The following RBL2 variants were observed in gnomAD, a reference collection of about 807,000 sequenced individuals.
RBL2 encodes RB transcriptional corepressor like 2.
Under a neutral mutation model 126.0 loss-of-function variants are expected in RBL2, and 56 were observed. The observed-to-expected ratio is 0.44, with a 90% CI of 0.36 to 0.56. The LOEUF (loss-of-function observed/expected upper bound fraction) is 0.56. RBL2 is among the 20% of genes least tolerant of loss of function. RBL2 has a pLI of 0.00. For synonymous variants in RBL2, 454 were observed against 478.5 expected, an observed-to-expected ratio of 0.95 and a Z score of 0.67; for missense variants, 1,229 against 1,398.2, an observed-to-expected ratio of 0.88 and a Z score of 1.93.
chr16:53,458,561 T>C (rs930281720), intron 8 of RBL2, among the ~76,000 whole-genome samples: 1 of 152,208 alleles, frequency 6.6e-6, no homozygotes, highest in African/African-American at 2.4e-5. Flanking sequence ...GTTCAACTTA[T>C]TATCTGTCTC....
At chr16:53,446,671 A>G (rs1187425937) in intron 3 of RBL2, among the ~76,000 whole-genome samples, 1 of 152,208 alleles carries the variant, frequency 6.6e-6, no homozygotes, top group Non-Finnish European at 1.5e-5. Context: ...GTCATTAGCT[A>G]TGATAAAGGA....
chr16:53,449,586 G>GAAAAAA (rs777289704), intron 4 of RBL2: 1 of 58,796 alleles, frequency 1.7e-5, no homozygotes, highest in Non-Finnish European at 4.0e-5. Context: ...ACCGTGTCTC[G>GAAAAAA]AAAAAAAAAA....
chr16:53,446,135 T>G (rs1417930221), intron 3 of RBL2, among the ~76,000 whole-genome samples: 1 of 152,104 alleles, frequency 6.6e-6, no homozygotes, highest in Non-Finnish European at 1.5e-5. Flanking sequence ...GTAGCTTAAG[T>G]GTTAAGCTAA....
At chr16:53,480,897 A>C (rs1960920012) in intron 20 of RBL2, 128 bp downstream of exon 20, 7 of 884,750 alleles carry the variant, frequency 7.9e-6, no homozygotes, top group Non-Finnish European at 1.2e-5. Context: ...GGTGGCTCAC[A>C]CCTGTAATCC....
In RBL2 at chr16:53,491,237, C is replaced by T. The variant is rs1453677949; in HGVS notation, c.*937C>T. On this transcript the variant is annotated 3_prime_UTR_variant, in exon 22 of 22. Coordinates refer to ENST00000262133, the MANE Select transcript of RBL2 (RefSeq NM_005611.4). ...ACCTCTTCCTTTAGGAGGGAGTTATCTAAAAGAAATGTCTATTAAGGTGAT... is the reference window on the plus strand; with the variant it reads ...ACCTCTTCCTTTAGGAGGGAGTTATTTAAAAGAAATGTCTATTAAGGTGAT... 2.0e-5 allele frequency: 3 copies of T among 151,974 alleles called. No homozygotes were observed. Among genetic ancestry groups the T allele is most frequent in the African/African-American group, 7.3e-5 (3 of 41,360 alleles). 9.4% of individuals were successfully genotyped at this position (151,974 alleles called of 1,614,324 possible).
At chr16:53,469,633 G>A (rs1339439648) in intron 14 of RBL2, among the ~76,000 whole-genome samples, 1 of 152,136 alleles carries the variant, frequency 6.6e-6, no homozygotes, top group African/African-American at 2.4e-5. Flanking sequence ...CTTTAGTAGT[G>A]GAAGACAGAG....
intron 17 of RBL2, among the ~76,000 whole-genome samples, chr16:53,474,370 G>A (rs902940573): frequency 3.3e-5 from 5 of 152,026 alleles, no homozygotes; most frequent in African/African-American, 1.2e-4. Flanking sequence ...AGGCTGGAGT[G>A]CAGTGGCGAG....
At chr16:53,453,405 G>C (rs899141557) in intron 5 of RBL2, 47 bp from the exon 6 acceptor site, 2 of 1,532,040 alleles carry the variant, frequency 1.3e-6, no homozygotes, top group Non-Finnish European at 9.0e-7. Context: ...TTACAAATTG[G>C]CTTATTGTGT....
At chr16:53,479,823 C>T in intron 18 of RBL2, 63 bp from the exon 19 acceptor site, 1 of 1,102,192 alleles carries the variant, frequency 9.1e-7, no homozygotes. Context: ...TGTGAAGGTC[C>T]TATCACCAAG....
At chr16:53,473,353 GT>G (rs146953967) in intron 17 of RBL2, among the ~76,000 whole-genome samples, 2 of 148,776 alleles carry the variant, frequency 1.3e-5, no homozygotes, top group African/African-American at 5.0e-5. Context: ...TAGATCTTCT[GT>G]TTTTTTTTCA....
chr16:53,450,050 A>T (rs745598330), intron 4 of RBL2, among the ~76,000 whole-genome samples: 25 of 149,548 alleles, frequency 1.7e-4, no homozygotes, highest in Non-Finnish European at 3.4e-4. Flanking sequence ...GCTTGAAATC[A>T]GTAGGTGCTA....
chr16:53,477,088 T>C (rs569518146), intron 17 of RBL2, among the ~76,000 whole-genome samples: 21 of 150,850 alleles, frequency 1.4e-4, no homozygotes, highest in Non-Finnish European at 2.4e-4. Context: ...TGTGTAGTGG[T>C]TGCCCTAGGG....
intron 13 of RBL2, 185 bp from the exon 14 acceptor site, chr16:53,466,873 A>T: frequency 1.9e-6 from 1 of 525,936 alleles, no homozygotes; most frequent in African/African-American, 2.0e-5. Flanking sequence ...ATCCAATTAC[A>T]AGGTTTTGAA....
At chr16:53,485,852 TA>T (rs79378831) in intron 21 of RBL2, among the ~76,000 whole-genome samples, 1 of 147,764 alleles carries the variant, frequency 6.8e-6, no homozygotes, top group African/African-American at 2.6e-5. Flanking sequence ...TGAGACCATC[TA>T]AAAAAAAACA....
Position 53,470,052 on chromosome 16 carries a change from C to T in RBL2, c.2112C>T (p.Val704=). 6.2e-7 allele frequency: 1 copy of T among 1,614,226 alleles called. No individual in the cohort carries two copies. The highest frequency in any genetic ancestry group is 1.1e-5 in the South Asian group (1 of 91,084). Residue 704 remains valine (V), a synonymous_variant, in exon 15 of 22, where the codon GTC becomes GTT. Coordinates refer to ENST00000262133, the MANE Select transcript of RBL2 (RefSeq NM_005611.4). ...GGCGCATGCCCCCACAGCCCCTAGT[C>T]AATGCTGTCCCTGTGCAGAATGTAT... ...TPGRMPPQPL[V]NAVPVQNVSG...
chr16:53,490,556 T>G lies in RBL2; in HGVS notation c.*256T>G, dbSNP rs1358749900. The G allele has an allele frequency of 2.9e-6, 1 of 340,922 alleles. No individual in the cohort carries two copies. The highest frequency in any genetic ancestry group is 5.3e-6 in the Non-Finnish European group (1 of 189,990). The allele number at this position is 340,922 out of a possible 1,614,324, so 21.1% of individuals were successfully genotyped here. A position where few individuals can be genotyped will look rare whatever the true frequency, so the allele number is the denominator to read the frequency against. ...TGCTTAGAATCCAAACTTGGATTTTTGACTCTGGCAAAGCTTTTAGAAATA... is the reference window on the plus strand; with the variant it reads ...TGCTTAGAATCCAAACTTGGATTTTGGACTCTGGCAAAGCTTTTAGAAATA... On this transcript the variant is annotated 3_prime_UTR_variant, in exon 22 of 22. Coordinates refer to ENST00000262133, the MANE Select transcript of RBL2 (RefSeq NM_005611.4).
chr16:53,441,964 G>A (rs556851139), intron 2 of RBL2, among the ~76,000 whole-genome samples: 3 of 152,088 alleles, frequency 2.0e-5, no homozygotes, highest in Admixed American at 2.0e-4. Flanking sequence ...GGGATTACAG[G>A]TGCCCGCCAC....
At chr16:53,484,168 G>C (rs1961068143) in intron 21 of RBL2, among the ~76,000 whole-genome samples, 1 of 152,154 alleles carries the variant, frequency 6.6e-6, no homozygotes, top group South Asian at 2.1e-4. Context: ...AATGGAGTTG[G>C]AGGAAATGAT....
At chr16:53,434,860 C>T (rs1291504108) in intron 1 of RBL2, 64 bp downstream of exon 1, 21 of 1,407,618 alleles carry the variant, frequency 1.5e-5, no homozygotes, top group East Asian at 1.2e-4. Context: ...TTCCGAGCCG[C>T]GTCGCGCGCC....
Sources: allele counts gnomAD v4.1 joint callset (sites outside exome capture counted in the v4.1 genomes callset), GRCh38; gene constraint gnomAD v4.1.1; transcripts MANE v1.5; gene names NCBI Gene and HGNC (gene_info 2026-07-23, HGNC 2026-07-21).